The following KIAA0825 variants were observed in gnomAD, a reference collection of about 807,000 sequenced individuals.
KIAA0825 encodes KIAA0825, also known as uncharacterized protein KIAA0825.
In KIAA0825, 119 loss-of-function variants were observed where a neutral mutation model predicts 147.6. The observed-to-expected ratio is 0.81, with a 90% CI of 0.69 to 0.94. The LOEUF (loss-of-function observed/expected upper bound fraction) is 0.94. KIAA0825 is among the 40% of genes least tolerant of loss of function. The pLI, the probability that KIAA0825 is intolerant of heterozygous loss-of-function variation, is 0.00. For synonymous variants in KIAA0825, 470 were observed against 518.1 expected, an observed-to-expected ratio of 0.91 and a Z score of 1.26; for missense variants, 1,381 against 1,472.7, an observed-to-expected ratio of 0.94 and a Z score of 1.02.
At chr5:94,400,784 C>T (rs1751270713) in intron 16 of KIAA0825, among the ~76,000 whole-genome samples, 1 of 152,080 alleles carries the variant, frequency 6.6e-6, no homozygotes, top group African/African-American at 2.4e-5. Flanking sequence ...CCAGTAAATC[C>T]ACACTGTAAT....
rs568789829 is a variant in KIAA0825, at chr5:94,225,556, A to C, written c.3711-71432T>G. ...TCATGAAGGGGATTAGTGCCCTAAT[A>C]AGAAGAAAGATGAGTTTGCTGTCTC... On this transcript the variant is annotated intron_variant, in intron 20 of 20. Coordinates refer to ENST00000682413, the MANE Select transcript of KIAA0825 (RefSeq NM_001145678.3). 3.3e-5 allele frequency among the ~76,000 whole-genome samples: 5 copies of C among 152,300 alleles called. No homozygotes were observed. In the South Asian group the frequency reaches 1.0e-3, roughly 32 times the overall value.
intron 5 of KIAA0825, among the ~76,000 whole-genome samples, chr5:94,492,658 CA>C (rs1183539492): frequency 6.6e-6 from 1 of 152,140 alleles, no homozygotes; most frequent in Non-Finnish European, 1.5e-5. Context: ...GTGTGAGAGA[CA>C]AAATCAACTG....
intron 20 of KIAA0825, among the ~76,000 whole-genome samples, chr5:94,309,827 A>G (rs1029460122): frequency 5.3e-5 from 8 of 151,646 alleles, no homozygotes; most frequent in Admixed American, 3.3e-4. Context: ...CACAGTATAA[A>G]TAACAGAGAG....
At chr5:94,287,328 T>C (rs975760584) in intron 20 of KIAA0825, among the ~76,000 whole-genome samples, 3 of 152,192 alleles carry the variant, frequency 2.0e-5, no homozygotes, top group African/African-American at 4.8e-5. Flanking sequence ...TCTTAAAATA[T>C]GAAGACAATT....
intron 20 of KIAA0825, among the ~76,000 whole-genome samples, chr5:94,305,469 C>T (rs1778664203): frequency 6.6e-6 from 1 of 151,952 alleles, no homozygotes; most frequent in Non-Finnish European, 1.5e-5. Context: ...GTTTTACAGC[C>T]TATTCCCCAG....
chr5:94,224,082 CTTTTTTTTTTTTTTT>C (rs869059424), intron 20 of KIAA0825, among the ~76,000 whole-genome samples: 4 of 56,434 alleles, frequency 7.1e-5, no homozygotes, highest in South Asian at 8.1e-4. Flanking sequence ...TTTTTCTTTT[CTTTTTTTTTTTTTTT>C]TTTTTTTTTT....
chr5:94,556,125 T>C (rs1776500738), intron 2 of KIAA0825, among the ~76,000 whole-genome samples: 1 of 151,960 alleles, frequency 6.6e-6, no homozygotes, highest in East Asian at 1.9e-4. Context: ...CGATCTCAGC[T>C]CACTGTAACC....
intron 14 of KIAA0825, among the ~76,000 whole-genome samples, chr5:94,423,018 C>T (rs1290879370): frequency 6.6e-6 from 1 of 152,156 alleles, no homozygotes; most frequent in Admixed American, 6.6e-5. Flanking sequence ...CTGTCTTAGC[C>T]CAGTGGGCTT....
At chr5:94,296,829 T>C (rs1778159396) in intron 20 of KIAA0825, among the ~76,000 whole-genome samples, 1 of 152,194 alleles carries the variant, frequency 6.6e-6, no homozygotes, top group Non-Finnish European at 1.5e-5. Flanking sequence ...AGACCAGAGC[T>C]GTTCCTATTC....
At chr5:94,369,300 A>T (rs1048102918) in intron 20 of KIAA0825, among the ~76,000 whole-genome samples, 10 of 152,174 alleles carry the variant, frequency 6.6e-5, no homozygotes, top group Non-Finnish European at 1.2e-4. Flanking sequence ...TGATCATATC[A>T]TTGGGCCTAA....
chr5:94,572,261 C>T (rs1176044212), intron 2 of KIAA0825, among the ~76,000 whole-genome samples: 1 of 152,218 alleles, frequency 6.6e-6, no homozygotes. Context: ...CTACTACCAT[C>T]ACCCAAACCT....
At position 94,508,738 on chromosome 5, in the gene KIAA0825, T is replaced by A. The variant is rs373631437; in HGVS notation, c.970+11510A>T. On this transcript the variant is annotated intron_variant, in intron 5 of 20. Coordinates refer to ENST00000682413, the MANE Select transcript of KIAA0825 (RefSeq NM_001145678.3). ...ACATTTCCCCTATGGATTGCACTTATTGCCACTTCATTTCCTATGTGCTCT... is the reference window on the plus strand; with the variant it reads ...ACATTTCCCCTATGGATTGCACTTAATGCCACTTCATTTCCTATGTGCTCT... 9.8e-4 allele frequency among the ~76,000 whole-genome samples: 150 copies of A among 152,330 alleles called. 2 individuals carry two copies. In the South Asian group the frequency reaches 0.029, roughly 30 times the overall value.
chr5:94,494,441 C>T (rs1008044909), intron 5 of KIAA0825, among the ~76,000 whole-genome samples: 3 of 150,936 alleles, frequency 2.0e-5, no homozygotes, highest in African/African-American at 4.9e-5. Flanking sequence ...TGAATTCAGC[C>T]AAAACTGAGA....
intron 1 of KIAA0825, among the ~76,000 whole-genome samples, chr5:94,598,041 C>CCA (rs1187730828): frequency 6.6e-6 from 1 of 152,032 alleles, no homozygotes; most frequent in Non-Finnish European, 1.5e-5. Context: ...ACTTTATTAA[C>CCA]CACTGTACAC....
intron 12 of KIAA0825, 99 bp from the exon 13 acceptor site, chr5:94,453,168 T>A (rs1032882896): frequency 1.4e-6 from 1 of 690,736 alleles, no homozygotes; most frequent in African/African-American, 1.9e-5. Context: ...GTTAATGATT[T>A]TTTTTGTTTG....
At chr5:94,437,924 C>G (rs1212604680) in intron 14 of KIAA0825, among the ~76,000 whole-genome samples, 1 of 152,134 alleles carries the variant, frequency 6.6e-6, no homozygotes, top group African/African-American at 2.4e-5. Context: ...ATTGGCCAAG[C>G]ACTGTTTACT....
intron 20 of KIAA0825, among the ~76,000 whole-genome samples, chr5:94,242,237 T>C (rs1775382575): frequency 2.0e-5 from 3 of 152,244 alleles, no homozygotes; most frequent in Admixed American, 2.0e-4. Flanking sequence ...ATTCTCTTTC[T>C]CTGGTTCCCT....
chr5:94,549,153 T>A (rs1483180242), intron 2 of KIAA0825, among the ~76,000 whole-genome samples: 1 of 152,106 alleles, frequency 6.6e-6, no homozygotes, highest in Non-Finnish European at 1.5e-5. Flanking sequence ...ATTTCGCTCC[T>A]CAGCACATAG....
intron 2 of KIAA0825, among the ~76,000 whole-genome samples, chr5:94,542,367 A>T (rs1255017186): frequency 6.6e-6 from 1 of 152,212 alleles, no homozygotes; most frequent in Non-Finnish European, 1.5e-5. Flanking sequence ...AGCTATTTAT[A>T]GCTTTAAACA....
Sources: gnomAD v4.1 joint callset for allele counts (sites outside exome capture counted in the v4.1 genomes callset) on GRCh38, gnomAD v4.1.1 for gene constraint, MANE v1.5 for transcripts, NCBI Gene and HGNC (gene_info 2026-07-23, HGNC 2026-07-21) for gene names.